ABCB1: variants seen among roughly 807,000 people sequenced by gnomAD.
The protein encoded by ABCB1 is ATP-dependent translocase ABCB1.
Under a neutral mutation model 142.0 loss-of-function variants are expected in ABCB1, and 69 were observed. The ratio of observed to expected loss-of-function variants is 0.49; its 90% CI spans 0.40 to 0.59. The LOEUF is 0.59. ABCB1 is among the 20% of genes least tolerant of loss of function. The probability of loss-of-function intolerance (pLI) is 0.00; values close to 1 mark genes in which losing one functional copy is unlikely to be tolerated. For missense variants in ABCB1, 1,326 were observed against 1,554.7 expected, an observed-to-expected ratio of 0.85 and a Z score of 2.47; for synonymous variants, 532 against 539.2, an observed-to-expected ratio of 0.99 and a Z score of 0.18.
chr7:87,585,152 C>A (rs957265554), intron 4 of ABCB1, among the ~76,000 whole-genome samples: 2 of 152,142 alleles, frequency 1.3e-5, no homozygotes, highest in African/African-American at 4.8e-5. Context: ...GAATCATCCC[C>A]GACTTTTCGT....
At chr7:87,606,705 G>A (rs917790956) in intron 1 of ABCB1, among the ~76,000 whole-genome samples, 3 of 152,092 alleles carry the variant, frequency 2.0e-5, no homozygotes, top group African/African-American at 7.2e-5. Flanking sequence ...TGTAATATTA[G>A]AGATAAAGAT....
chr7:87,658,868 C>A (rs969437820), intron 1 of ABCB1, among the ~76,000 whole-genome samples: 14 of 152,166 alleles, frequency 9.2e-5, no homozygotes, highest in Non-Finnish European at 1.6e-4. Flanking sequence ...AAAGAACATT[C>A]GTTAAGCAGA....
At chr7:87,658,551 T>C (rs2130431938) in intron 1 of ABCB1, among the ~76,000 whole-genome samples, 1 of 151,932 alleles carries the variant, frequency 6.6e-6, no homozygotes, top group Non-Finnish European at 1.5e-5. Context: ...AAACCACAAA[T>C]AGGAAAAATT....
chr7:87,665,499 G>T (rs1394384466), intron 1 of ABCB1, among the ~76,000 whole-genome samples: 2 of 152,052 alleles, frequency 1.3e-5, no homozygotes, highest in African/African-American at 4.8e-5. Flanking sequence ...ATTGTTAAAT[G>T]TCCATACTAC....
chr7:87,545,777 A>G lies in ABCB1; in HGVS notation c.1887+86T>C, dbSNP rs1028989729. ...TGTTTCCTACTTTGTAAGGTAATCA[A>G]ATCAAATAATATTTATTTTTAGCAT... On this transcript the variant is annotated intron_variant, in intron 15 of 27. Transcript: ENST00000622132. 24 of 1,427,006 alleles carry G rather than the reference A, an allele frequency of 1.7e-5. No individual in the cohort carries two copies. The South Asian group carries it at 2.4e-4, about 14-fold the overall frequency. The allele number at this position is 1,427,006 out of a possible 1,614,324, so 88.4% of individuals were successfully genotyped here.
chr7:87,534,805 C>A (rs935547921), intron 20 of ABCB1, among the ~76,000 whole-genome samples: 2 of 150,936 alleles, frequency 1.3e-5, no homozygotes, highest in Non-Finnish European at 2.9e-5. Flanking sequence ...GTCCCAGCTA[C>A]CAGGAAGGCT....
intron 1 of ABCB1, among the ~76,000 whole-genome samples, chr7:87,676,441 C>T (rs1826364160): frequency 6.6e-6 from 1 of 152,082 alleles, no homozygotes; most frequent in Non-Finnish European, 1.5e-5. Context: ...TGGCTCACAC[C>T]TATAATTCCA....
intron 4 of ABCB1, among the ~76,000 whole-genome samples, chr7:87,574,945 G>C (rs967512237): frequency 6.6e-6 from 1 of 152,066 alleles, no homozygotes; most frequent in Non-Finnish European, 1.5e-5. Flanking sequence ...CTATAACTTA[G>C]CATATTCAAA....
At position 87,600,812 on chromosome 7, in the gene ABCB1, T is replaced by G. The variant is rs1819423869; in HGVS notation, c.-64A>C. 2 of 152,866 alleles carry G rather than the reference T, an allele frequency of 1.3e-5. No homozygotes were observed. The highest frequency in any genetic ancestry group is 4.8e-5 in the African/African-American group (2 of 41,400). The allele number at this position is 152,866 out of a possible 1,614,324, so 9.5% of individuals were successfully genotyped here. A position where few individuals can be genotyped will look rare whatever the true frequency, so the allele number is the denominator to read the frequency against. ...AAATTTTGGAAGAAGATACTCCGACTTTAGTGGAAAGACCTAAAGGAAACG... is the reference window on the plus strand; with the variant it reads ...AAATTTTGGAAGAAGATACTCCGACGTTAGTGGAAAGACCTAAAGGAAACG... On this transcript the variant is annotated 5_prime_UTR_variant, in exon 1 of 28. Transcript: ENST00000622132.
intron 1 of ABCB1, among the ~76,000 whole-genome samples, chr7:87,690,407 C>T (rs1009775645): frequency 2.6e-5 from 4 of 152,058 alleles, no homozygotes; most frequent in Admixed American, 2.6e-4. Context: ...AAGATTAGCA[C>T]AATTTAGGTA....
intron 1 of ABCB1, among the ~76,000 whole-genome samples, chr7:87,701,458 A>T (rs1829027470): frequency 6.6e-6 from 1 of 152,220 alleles, no homozygotes; most frequent in South Asian, 2.1e-4. Context: ...ATGTATTTTT[A>T]AATTATTTAA....
chr7:87,509,747 C>T (rs533231359), intron 25 of ABCB1, among the ~76,000 whole-genome samples: 2 of 152,330 alleles, frequency 1.3e-5, no homozygotes, highest in African/African-American at 4.8e-5. Context: ...CACAAGACAT[C>T]TGTGTCCTAA....
At chr7:87,581,385 A>G (rs192715520) in intron 4 of ABCB1, among the ~76,000 whole-genome samples, 1 of 152,060 alleles carries the variant, frequency 6.6e-6, no homozygotes, top group Non-Finnish European at 1.5e-5. Context: ...ATCTAGGATC[A>G]TTTCCAGATA....
chr7:87,540,733 A>AGCC (rs1266131945), intron 18 of ABCB1, among the ~76,000 whole-genome samples: 1 of 152,282 alleles, frequency 6.6e-6, no homozygotes, highest in Admixed American at 6.5e-5. Context: ...TACAGGCATA[A>AGCC]GCCACCACAC....
At chr7:87,680,453 TAGAA>T (rs1307656943) in intron 1 of ABCB1, among the ~76,000 whole-genome samples, 2 of 150,710 alleles carry the variant, frequency 1.3e-5, no homozygotes, top group South Asian at 2.1e-4. Context: ...AAAACTTACT[TAGAA>T]AGAATTGTCT....
intron 20 of ABCB1, 77 bp downstream of exon 20, chr7:87,536,381 G>C (rs2235043): frequency 7.6e-7 from 1 of 1,310,828 alleles, no homozygotes; most frequent in Non-Finnish European, 1.1e-6. Context: ...ACTAACACCC[G>C]TAAGGAGAAA....
Position 87,545,885 on chromosome 7 carries a change from T to C in ABCB1, c.1865A>G (p.Tyr622Cys). 1 of 1,614,164 alleles carries C rather than the reference T, an allele frequency of 6.2e-7. No individual in the cohort carries two copies. Among genetic ancestry groups the C allele is most frequent in the Non-Finnish European group, 8.5e-7 (1 of 1,180,000 alleles). Residue 622 changes from tyrosine (Y) to cysteine (C), a missense_variant, in exon 15 of 28, where the codon TAC (tyrosine) becomes TGC (cysteine). Physicochemically the swap from Tyr to Cys is radical, Grantham distance 194. Transcript: ENST00000622132. ...TACCTGCATTGTGACAAGTTTGAAG[T>C]AAATGCCTTTCTCTTTCATGAGTTC... is the stretch of plus-strand genomic sequence containing the variant. The part of the protein sequence containing the change: ...HDELMKEKGI[Y>C]FKLVTMQTAG...
intron 1 of ABCB1, among the ~76,000 whole-genome samples, chr7:87,630,372 C>A (rs563641528): frequency 4.6e-5 from 7 of 152,182 alleles, no homozygotes; most frequent in Non-Finnish European, 1.0e-4. Flanking sequence ...ATTATTACAG[C>A]ACTTTGAGTT....
chr7:87,550,732 A>T lies in ABCB1; in HGVS notation c.1106T>A (p.Ile369Asn). The T allele has an allele frequency of 6.2e-7, 1 of 1,611,028 alleles. No homozygotes were observed. The highest frequency in any genetic ancestry group is 1.7e-5 in the Admixed American group (1 of 60,028). Residue 369 changes from isoleucine (I) to asparagine (N), a missense_variant, in exon 10 of 28, where the codon ATT (isoleucine) becomes AAT (asparagine). Ile to Asn is a moderately radical substitution (Grantham distance 149). Coordinates refer to ENST00000622132, the MANE Select transcript of ABCB1 (RefSeq NM_001348946.2). ...TGGCCAACTCAGACTTACATTATCA[A>T]TTATCTTGAAGATTTCATAAGCTGC... ...RGAAYEIFKI[I>N]DNKPSIDSYS...
Sources: allele counts gnomAD v4.1 joint callset (sites outside exome capture counted in the v4.1 genomes callset), GRCh38; gene constraint gnomAD v4.1.1; transcripts MANE v1.5; gene names NCBI Gene and HGNC (gene_info 2026-07-23, HGNC 2026-07-21).